Variants in PLEKHH2 observed in about 807,000 individuals in gnomAD.
PLEKHH2 encodes pleckstrin homology, MyTH4 and FERM domain containing H2.
PLEKHH2 carries 129 observed loss-of-function variants against 187.9 expected under a neutral mutation model. The observed-to-expected ratio is 0.69, with a 90% CI of 0.59 to 0.79. PLEKHH2 has a LOEUF of 0.79. PLEKHH2 is among the 30% of genes least tolerant of loss of function. The probability of loss-of-function intolerance (pLI) is 0.00; values close to 1 mark genes in which losing one functional copy is unlikely to be tolerated. For missense variants in PLEKHH2, 2,076 were observed against 1,751.2 expected (o/e 1.19, Z -3.31); for synonymous variants, 686 against 605.6 (o/e 1.13, Z -1.95).
At chr2:43,721,573 C>T (rs183869005) in intron 16 of PLEKHH2, among the ~76,000 whole-genome samples, 5 of 152,224 alleles carry the variant, frequency 3.3e-5, no homozygotes, top group East Asian at 1.9e-4. Context: ...TAGAGATTAA[C>T]GCAGTACAGC....
chr2:43,751,010 A>G (rs895909180), intron 24 of PLEKHH2, among the ~76,000 whole-genome samples: 1 of 152,184 alleles, frequency 6.6e-6, no homozygotes, highest in African/African-American at 2.4e-5. Context: ...TCCTGGCTCT[A>G]CCACTTACTA....
intron 3 of PLEKHH2, among the ~76,000 whole-genome samples, chr2:43,685,981 T>C (rs1407382563): frequency 2.0e-5 from 3 of 152,230 alleles, no homozygotes; most frequent in Non-Finnish European, 4.4e-5. Flanking sequence ...TGTGTCTTTT[T>C]ATTTTATCCT....
chr2:43,660,514 A>G (rs778260602), intron 2 of PLEKHH2, among the ~76,000 whole-genome samples: 2 of 137,122 alleles, frequency 1.5e-5, no homozygotes, highest in African/African-American at 6.0e-5. Context: ...ACATGTGCAC[A>G]TTGTGCAGGT....
chr2:43,733,755 G>A (rs1671158548), intron 19 of PLEKHH2, among the ~76,000 whole-genome samples: 1 of 152,096 alleles, frequency 6.6e-6, no homozygotes, highest in Non-Finnish European at 1.5e-5. Flanking sequence ...GAAAAATGCT[G>A]ATAATTATTG....
At chr2:43,647,709 G>C (rs1666249987) in intron 2 of PLEKHH2, among the ~76,000 whole-genome samples, 1 of 152,074 alleles carries the variant, frequency 6.6e-6, no homozygotes, top group Admixed American at 6.6e-5. Flanking sequence ...TTTTGTGTTA[G>C]CACCAGTCAG....
In PLEKHH2 at chr2:43,729,659, C is replaced by A; in HGVS notation, c.2744C>A (p.Thr915Asn). 1.2e-6 allele frequency: 2 copies of A among 1,603,858 alleles called. No individual in the cohort carries two copies. The highest frequency in any genetic ancestry group is 1.7e-6 in the Non-Finnish European group (2 of 1,176,288). ...HEKDTWLYHL[T>N]VAAGSNNVNV... is the part of the protein sequence containing the mutation. ...AAGGACACTTGGCTTTATCATCTGA[C>A]TGTTGCAGCTGGAAGCAACAATGTA... The change falls in exon 18 of 30, where the codon ACT becomes AAT. Residue 915 changes from threonine to asparagine, a missense_variant. Transcript: ENST00000282406.
intron 2 of PLEKHH2, among the ~76,000 whole-genome samples, chr2:43,653,978 A>T (rs1666614175): frequency 6.6e-6 from 1 of 152,190 alleles, no homozygotes; most frequent in Admixed American, 6.5e-5. Flanking sequence ...AGAATGGGAG[A>T]TAGGAAGTGT....
At chr2:43,731,692 G>C in intron 19 of PLEKHH2, 90 bp downstream of exon 19, 1 of 890,234 alleles carries the variant, frequency 1.1e-6, no homozygotes, top group Non-Finnish European at 1.6e-6. Flanking sequence ...AACATTTTGG[G>C]TTACAAAATT....
At chr2:43,709,742 G>C (rs187852843) in intron 11 of PLEKHH2, among the ~76,000 whole-genome samples, 131 of 152,184 alleles carry the variant, frequency 8.6e-4, no homozygotes, top group African/African-American at 2.9e-3. Context: ...AGGCTGAGGC[G>C]GGAGAATCGC....
chr2:43,683,209 G>A (rs1006530201), intron 3 of PLEKHH2, among the ~76,000 whole-genome samples: 2 of 131,256 alleles, frequency 1.5e-5, no homozygotes, highest in Non-Finnish European at 3.1e-5. Flanking sequence ...GCAATGGCAC[G>A]ATCTTGGCTC....
At chr2:43,702,425 A>T (rs1468614085) in intron 8 of PLEKHH2, among the ~76,000 whole-genome samples, 1 of 151,898 alleles carries the variant, frequency 6.6e-6, no homozygotes, top group Non-Finnish European at 1.5e-5. Flanking sequence ...GTTATACTTT[A>T]GGCAGCAAGA....
At chr2:43,720,548 G>A in intron 15 of PLEKHH2, 121 bp from the exon 16 acceptor site, 1 of 1,475,722 alleles carries the variant, frequency 6.8e-7, no homozygotes, top group South Asian at 1.3e-5. Context: ...AATCTATTTG[G>A]AATATCACTT....
intron 5 of PLEKHH2, among the ~76,000 whole-genome samples, chr2:43,694,737 T>A (rs1166671351): frequency 2.0e-5 from 3 of 152,180 alleles, no homozygotes. Context: ...TGAATAACTT[T>A]ATTCTAATAA....
chr2:43,642,573 T>C (rs1026617432), intron 1 of PLEKHH2, among the ~76,000 whole-genome samples: 9 of 152,170 alleles, frequency 5.9e-5, no homozygotes, highest in Non-Finnish European at 1.3e-4. Flanking sequence ...CATTTATCAG[T>C]AAGTATGATG....
chr2:43,755,417 A>G (rs1394768117), intron 25 of PLEKHH2, among the ~76,000 whole-genome samples: 2 of 152,122 alleles, frequency 1.3e-5, no homozygotes, highest in African/African-American at 2.4e-5. Flanking sequence ...GGTTCGGATC[A>G]TTGTCTCATA....
intron 2 of PLEKHH2, among the ~76,000 whole-genome samples, chr2:43,677,728 G>A (rs1667895876): frequency 6.6e-6 from 1 of 151,658 alleles, no homozygotes; most frequent in Admixed American, 6.6e-5. Flanking sequence ...CCTCCAAGAC[G>A]GGGTGGTGGC....
chr2:43,696,817 T>C (rs1157951165), intron 6 of PLEKHH2, among the ~76,000 whole-genome samples: 1 of 152,222 alleles, frequency 6.6e-6, no homozygotes, highest in Non-Finnish European at 1.5e-5. Context: ...TTACCAACGC[T>C]GAACTGGTAT....
intron 19 of PLEKHH2, among the ~76,000 whole-genome samples, chr2:43,735,217 T>C (rs1671230497): frequency 6.6e-6 from 1 of 151,974 alleles, no homozygotes; most frequent in Non-Finnish European, 1.5e-5. Context: ...GTAGTATATA[T>C]ACACAATGGA....
In PLEKHH2 at chr2:43,740,998, T is replaced by C; in HGVS notation, c.3176T>C (p.Phe1059Ser). The C allele has an allele frequency of 6.2e-7, 1 of 1,614,060 alleles. No individual in the cohort carries two copies. The highest frequency in any genetic ancestry group is 8.5e-7 in the Non-Finnish European group (1 of 1,179,950). ...GGGCTCTTCCTTCCCCATCATCCTTTCCTGTGGCTCCTCAGGCTTCACCTA... is the reference window on the plus strand; with the variant it reads ...GGGCTCTTCCTTCCCCATCATCCTTCCCTGTGGCTCCTCAGGCTTCACCTA... Reference protein sequence around the residue: ...CVGLFLPHHPFLWLLRLHLKR... With the variant: ...CVGLFLPHHPSLWLLRLHLKR... The change falls in exon 21 of 30, where the codon TTC becomes TCC. Residue 1059 changes from phenylalanine (F) to serine (S), a missense_variant. By Grantham distance (155) the Phe-to-Ser change is radical (BLOSUM62 -2). Transcript: ENST00000282406.
Sources: allele counts gnomAD v4.1 joint callset (sites outside exome capture counted in the v4.1 genomes callset), GRCh38; gene constraint gnomAD v4.1.1; transcripts MANE v1.5; gene names NCBI Gene and HGNC (gene_info 2026-07-23, HGNC 2026-07-21).